The following RPTOR variants were observed in gnomAD, a reference collection of about 807,000 sequenced individuals.
RPTOR encodes the protein regulatory associated protein of MTOR complex 1, also known as regulatory-associated protein of mTOR.
A neutral mutation model predicts 169.9 loss-of-function variants in RPTOR; 21 were observed. The ratio of observed to expected loss-of-function variants is 0.12; its 90% CI spans 0.09 to 0.18. The LOEUF (loss-of-function observed/expected upper bound fraction) is 0.18, where lower values mean the gene tolerates loss of function less well. RPTOR is among the 10% of genes least tolerant of loss of function. The pLI is 1.00. For synonymous variants in RPTOR, 732 were observed against 753.2 expected (o/e 0.97, Z 0.46); for missense variants, 1,133 against 1,855.9 (o/e 0.61, Z 7.16).
chr17:80,820,993 G>C lies in RPTOR; in HGVS notation c.891-1208G>C. 6.6e-6 allele frequency among the ~76,000 whole-genome samples: 1 copy of C among 152,234 alleles called. No individual in the cohort carries two copies. The highest frequency in any genetic ancestry group is 1.9e-4 in the East Asian group (1 of 5,198). On this transcript the variant is annotated intron_variant, in intron 7 of 33. Coordinates refer to ENST00000306801, the MANE Select transcript of RPTOR (RefSeq NM_020761.3). The surrounding 1 kb of genome is among the most constrained non-coding windows in gnomAD (Gnocchi z 4.1). ...CCGGCATTGTTTGAGCAGCAGTGCT[G>C]CTTTAGAATATTATACTAACTTCTC...
At chr17:80,882,704 A>G (rs184654655) in intron 14 of RPTOR, among the ~76,000 whole-genome samples, 1 of 152,338 alleles carries the variant, frequency 6.6e-6, no homozygotes, top group East Asian at 1.9e-4. Flanking sequence ...ACACGGCAAA[A>G]AGCCAAGAAG....
intron 13 of RPTOR, among the ~76,000 whole-genome samples, chr17:80,874,874 C>A (rs2068089260): frequency 6.6e-6 from 1 of 152,176 alleles, no homozygotes; most frequent in East Asian, 1.9e-4. Context: ...TCCTTCCCAG[C>A]ACCCCGCTCA....
chr17:80,702,059 T>A (rs945225714), intron 3 of RPTOR, among the ~76,000 whole-genome samples: 1 of 152,110 alleles, frequency 6.6e-6, no homozygotes, highest in African/African-American at 2.4e-5. Flanking sequence ...GGAGCTCCAA[T>A]ACCAATAAAA....
chr17:80,704,722 G>T (rs1329583846), intron 3 of RPTOR, among the ~76,000 whole-genome samples: 1 of 152,226 alleles, frequency 6.6e-6, no homozygotes, highest in Non-Finnish European at 1.5e-5. Flanking sequence ...AACTGAGTGT[G>T]TTGTAATGCT....
intron 3 of RPTOR, among the ~76,000 whole-genome samples, chr17:80,670,213 AT>A (rs2065811255): frequency 6.6e-6 from 1 of 152,150 alleles, no homozygotes; most frequent in Middle Eastern, 3.2e-3. Context: ...CAACTGTCTC[AT>A]TTCCGACCAT....
chr17:80,900,431 C>T (rs532430556), intron 20 of RPTOR, among the ~76,000 whole-genome samples: 141 of 152,294 alleles, frequency 9.3e-4, no homozygotes, highest in African/African-American at 3.2e-3. Flanking sequence ...ATTCTCCTGC[C>T]TCAGCCTCCC....
Position 80,754,927 on chromosome 17 carries a change from G to C in RPTOR, c.830+742G>C, listed in dbSNP as rs918013505. ...GCAGCTGTGCAGCAGACACCGTGCT[G>C]TCGGCCGAGGACACTCTTGAGGCTT... On this transcript the variant is annotated intron_variant, in intron 6 of 33. Transcript: ENST00000306801. The surrounding 1 kb of genome is among the most constrained non-coding windows in gnomAD (Gnocchi z 4.2). 2.6e-5 allele frequency among the ~76,000 whole-genome samples: 4 copies of C among 152,228 alleles called. No homozygotes were observed. The highest frequency in any genetic ancestry group is 9.6e-5 in the African/African-American group (4 of 41,462).
intron 4 of RPTOR, among the ~76,000 whole-genome samples, chr17:80,715,442 A>G (rs1218948155): frequency 6.6e-6 from 1 of 152,230 alleles, no homozygotes; most frequent in Non-Finnish European, 1.5e-5. Context: ...CATGCCAGGC[A>G]TTTAATCCCT....
At chr17:80,720,988 C>T (rs1270923030) in intron 4 of RPTOR, among the ~76,000 whole-genome samples, 1 of 150,992 alleles carries the variant, frequency 6.6e-6, no homozygotes, top group Non-Finnish European at 1.5e-5. Flanking sequence ...ACTTCCCCGA[C>T]CCCTTGTTTT....
intron 6 of RPTOR, among the ~76,000 whole-genome samples, chr17:80,762,156 C>T (rs1293260402): frequency 4.6e-5 from 7 of 152,196 alleles, no homozygotes; most frequent in Non-Finnish European, 1.0e-4. Context: ...ATAGAGCTCC[C>T]GTTTTAAAAG....
At chr17:80,949,602 C>T in intron 28 of RPTOR, 55 bp downstream of exon 28, 6 of 1,453,502 alleles carry the variant, frequency 4.1e-6, no homozygotes, top group Non-Finnish European at 5.8e-6. Context: ...GCTGCGGACG[C>T]ACTCGGAATT....
At chr17:80,740,596 G>A (rs530124678) in intron 5 of RPTOR, among the ~76,000 whole-genome samples, 9 of 152,168 alleles carry the variant, frequency 5.9e-5, no homozygotes, top group South Asian at 4.1e-4. Flanking sequence ...GTTTTTTTAC[G>A]GGTGTAGAAG....
chr17:80,753,286 C>T (rs1034663276), intron 5 of RPTOR, among the ~76,000 whole-genome samples: 2 of 152,308 alleles, frequency 1.3e-5, no homozygotes, highest in African/African-American at 4.8e-5. Flanking sequence ...ATCATATAAC[C>T]TGAACGTCTT....
intron 3 of RPTOR, among the ~76,000 whole-genome samples, chr17:80,665,328 TTTCCC>T: frequency 8.7e-6 from 1 of 114,840 alleles, no homozygotes; most frequent in African/African-American, 3.7e-5. Context: ...TTTCTTTTCT[TTTCCC>T]TTTCCTTTCC....
At chr17:80,850,076 C>A (rs971606380) in intron 11 of RPTOR, among the ~76,000 whole-genome samples, 2 of 152,054 alleles carry the variant, frequency 1.3e-5, no homozygotes, top group Non-Finnish European at 2.9e-5. Context: ...TTTTTCTTTT[C>A]AATAGATCCA....
At chr17:80,629,708 G>A (rs111783451) in intron 2 of RPTOR, among the ~76,000 whole-genome samples, 11 of 150,250 alleles carry the variant, frequency 7.3e-5, no homozygotes, top group East Asian at 2.0e-4. Flanking sequence ...ACATTGTACC[G>A]CAGCTCTTCC....
intron 2 of RPTOR, among the ~76,000 whole-genome samples, chr17:80,628,246 C>G (rs2065411749): frequency 6.6e-6 from 1 of 152,082 alleles, no homozygotes; most frequent in African/African-American, 2.4e-5. Context: ...GTTTTGAGGA[C>G]CATTCATTTC....
At chr17:80,768,335 C>G (rs1464918455) in intron 6 of RPTOR, among the ~76,000 whole-genome samples, 1 of 152,126 alleles carries the variant, frequency 6.6e-6, no homozygotes, top group Non-Finnish European at 1.5e-5. Context: ...TAGTGAGTCC[C>G]AAAGACTTTT....
At chr17:80,829,855 TG>T (rs776585741) in intron 9 of RPTOR, among the ~76,000 whole-genome samples, 14 of 152,328 alleles carry the variant, frequency 9.2e-5, no homozygotes, top group Non-Finnish European at 1.9e-4. Flanking sequence ...AAGGGTTCTT[TG>T]TACAGAAATC....
Sources: gnomAD v4.1 joint callset for allele counts (sites outside exome capture counted in the v4.1 genomes callset) on GRCh38, gnomAD v4.1.1 for gene constraint, Gnocchi (gnomAD v3.1) non-coding constraint, MANE v1.5 for transcripts, NCBI Gene and HGNC (gene_info 2026-07-23, HGNC 2026-07-21) for gene names.